Variants in PHACTR1 observed in about 807,000 individuals in gnomAD.
The protein encoded by PHACTR1 is phosphatase and actin regulator 1, also known as RPEL repeat containing 1.
In PHACTR1, 16 loss-of-function variants were observed where a neutral mutation model predicts 69.2. The observed-to-expected ratio is 0.23, with a 90% CI of 0.16 to 0.35. The LOEUF (loss-of-function observed/expected upper bound fraction) is 0.35. Ranked by LOEUF, PHACTR1 falls within the 10% of genes least tolerant of loss-of-function variation. The probability of loss-of-function intolerance (pLI) is 1.00; values close to 1 mark genes in which losing one functional copy is unlikely to be tolerated. For synonymous variants in PHACTR1, 312 were observed against 284.5 expected (o/e 1.10, Z -0.97); for missense variants, 510 against 734.7 (o/e 0.69, Z 3.54).
At chr6:12,928,408 C>T (rs548480932) in intron 4 of PHACTR1, among the ~76,000 whole-genome samples, 247 of 152,250 alleles carry the variant, frequency 1.6e-3, no homozygotes, top group African/African-American at 5.6e-3. Flanking sequence ...AAATTAACCC[C>T]TAGGGTTCTA....
intron 4 of PHACTR1, among the ~76,000 whole-genome samples, chr6:12,855,601 A>G (rs888751224): frequency 1.3e-5 from 2 of 152,168 alleles, no homozygotes; most frequent in Non-Finnish European, 2.9e-5. Flanking sequence ...TTGGGTTCAC[A>G]GGGTCATAAA....
intron 4 of PHACTR1, among the ~76,000 whole-genome samples, chr6:12,872,320 G>T (rs141735271): frequency 3.3e-5 from 5 of 151,974 alleles, no homozygotes; most frequent in Non-Finnish European, 5.9e-5. Context: ...AAATAAACTT[G>T]GAAAATGTTA....
chr6:13,066,590 T>C (rs1808676152), intron 5 of PHACTR1, among the ~76,000 whole-genome samples: 1 of 152,188 alleles, frequency 6.6e-6, no homozygotes, highest in Non-Finnish European at 1.5e-5. Flanking sequence ...TAAAACATAA[T>C]GGCTTAAAAA....
intron 7 of PHACTR1, among the ~76,000 whole-genome samples, chr6:13,200,706 G>T (rs1025305657): frequency 6.6e-6 from 1 of 151,892 alleles, no homozygotes; most frequent in Non-Finnish European, 1.5e-5. Context: ...GGCCGGGGTG[G>T]GTGGATCACC....
chr6:13,216,820 A>G (rs1767747974), intron 8 of PHACTR1, among the ~76,000 whole-genome samples: 1 of 152,228 alleles, frequency 6.6e-6, no homozygotes, highest in South Asian at 2.1e-4. Flanking sequence ...TTTCCCTATA[A>G]GGTTGGCAAG....
chr6:13,047,377 CA>C (rs35293642), intron 4 of PHACTR1, among the ~76,000 whole-genome samples: 2,848 of 54,828 alleles, frequency 0.052, 22 homozygotes, highest in Middle Eastern at 0.12. Flanking sequence ...AACCCTGTCT[CA>C]AAAAAAAAAA....
At position 13,182,619 on chromosome 6, in the gene PHACTR1, A is replaced by C; in HGVS notation, c.597A>C (p.Pro199=). Residue 199 remains proline, a synonymous_variant, in exon 7 of 15, where the codon CCA becomes CCC. Coordinates refer to ENST00000332995, the MANE Select transcript of PHACTR1 (RefSeq NM_030948.6). ...LSLPALSEME[P]VPMPRDPCSY... ...TGCCTGCCCTGTCCGAAATGGAGCC[A>C]GTCCCAATGCCCAGGGATCCCTGCT... The C allele has an allele frequency of 6.2e-7, 1 of 1,611,672 alleles. No individual in the cohort carries two copies. The highest frequency in any genetic ancestry group is 1.1e-5 in the South Asian group (1 of 90,796).
intron 4 of PHACTR1, among the ~76,000 whole-genome samples, chr6:13,018,350 G>A (rs764837611): frequency 2.0e-5 from 3 of 152,130 alleles, no homozygotes; most frequent in Admixed American, 6.5e-5. Flanking sequence ...GCTGAATTCT[G>A]GAAACGTACT....
chr6:13,267,405 A>G (rs572822835), intron 10 of PHACTR1: 2 of 152,312 alleles, frequency 1.3e-5, no homozygotes, highest in East Asian at 3.9e-4. Context: ...TCAATGCAGA[A>G]CCACAGACAC....
chr6:12,741,291 T>G (rs965776467), intron 3 of PHACTR1, among the ~76,000 whole-genome samples: 1 of 152,038 alleles, frequency 6.6e-6, no homozygotes, highest in Admixed American at 6.5e-5. Context: ...TGCTTAAAAA[T>G]TTTTTGAAGG....
At chr6:13,220,471 C>T (rs1768431909) in intron 8 of PHACTR1, among the ~76,000 whole-genome samples, 2 of 152,170 alleles carry the variant, frequency 1.3e-5, no homozygotes, top group African/African-American at 4.8e-5. Flanking sequence ...CGTCACCTTA[C>T]AAAGCAGCCT....
At chr6:12,763,871 G>A (rs1342388383) in intron 4 of PHACTR1, among the ~76,000 whole-genome samples, 2 of 151,984 alleles carry the variant, frequency 1.3e-5, no homozygotes, top group East Asian at 1.9e-4. Flanking sequence ...TTGGTGGCAA[G>A]GGGCAGAAGG....
intron 4 of PHACTR1, among the ~76,000 whole-genome samples, chr6:13,017,528 C>T (rs935662178): frequency 1.3e-5 from 2 of 151,928 alleles, no homozygotes; most frequent in East Asian, 1.9e-4. Context: ...AAGTTATGGA[C>T]GTCATAAAGC....
intron 4 of PHACTR1, among the ~76,000 whole-genome samples, chr6:12,794,951 G>T (rs979408423): frequency 6.6e-6 from 1 of 152,170 alleles, no homozygotes; most frequent in Admixed American, 6.5e-5. Context: ...GCTGTGAAGA[G>T]AGAAGGGGGC....
chr6:13,139,518 A>G (rs373310693), intron 5 of PHACTR1, among the ~76,000 whole-genome samples: 72 of 152,176 alleles, frequency 4.7e-4, no homozygotes, highest in Non-Finnish European at 8.7e-4. Context: ...CTCATATTGT[A>G]CCTTTGTATT....
At chr6:12,826,540 T>C (rs1776823813) in intron 4 of PHACTR1, among the ~76,000 whole-genome samples, 1 of 152,234 alleles carries the variant, frequency 6.6e-6, no homozygotes, top group Admixed American at 6.5e-5. Context: ...ATTCTATTTT[T>C]CTGCCTCTCA....
intron 5 of PHACTR1, 116 bp from the exon 6 acceptor site, chr6:13,160,088 C>A (rs531241615): frequency 2.3e-6 from 2 of 875,554 alleles, no homozygotes; most frequent in Admixed American, 3.8e-5. Context: ...TAGCAAAGCA[C>A]GATTTACAGA....
Position 12,861,610 on chromosome 6 carries a change from AG to A in PHACTR1, c.250+111822del, listed in dbSNP as rs545021837. On this transcript the variant is annotated intron_variant, in intron 4 of 14. Coordinates refer to ENST00000332995, the MANE Select transcript of PHACTR1 (RefSeq NM_030948.6). ...GGTAGAGGCTCTGTGCTGTAAGTAA[AG>A]GAGGAGCAGTGGTCTTCTTTGTTTT... Among the ~76,000 whole-genome samples the A allele has an allele frequency of 2.9e-3, 444 of 152,348 alleles. 1 individual carries two copies. The highest frequency in any genetic ancestry group is 4.8e-3 in the Non-Finnish European group (328 of 68,034).
At chr6:12,998,624 A>AG (rs946543079) in intron 4 of PHACTR1, among the ~76,000 whole-genome samples, 5 of 151,626 alleles carry the variant, frequency 3.3e-5, no homozygotes, top group African/African-American at 1.2e-4. Context: ...AAAAAAAAAA[A>AG]AAAGAAAAGA....
Sources: allele counts gnomAD v4.1 joint callset (sites outside exome capture counted in the v4.1 genomes callset), GRCh38; gene constraint gnomAD v4.1.1; transcripts MANE v1.5; gene names NCBI Gene and HGNC (gene_info 2026-07-23, HGNC 2026-07-21).